The following DARS1 variants were observed in gnomAD, a reference collection of about 807,000 sequenced individuals.
DARS1 encodes the protein aspartate--tRNA ligase, cytoplasmic.
In DARS1, 51 loss-of-function variants were observed where a neutral mutation model predicts 68.8. That is an observed-to-expected ratio of 0.74 (90% CI 0.59 to 0.94). DARS1 has a LOEUF of 0.94. Ranked by LOEUF, DARS1 falls within the 40% of genes least tolerant of loss-of-function variation. DARS1 has a pLI of 0.00. For synonymous variants in DARS1, 203 were observed against 190.4 expected (o/e 1.07, Z -0.55); for missense variants, 607 against 597.3 (o/e 1.02, Z -0.17).
chr2:135,940,046 C>A (rs1681562504), intron 5 of DARS1, among the ~76,000 whole-genome samples: 1 of 152,120 alleles, frequency 6.6e-6, no homozygotes, highest in African/African-American at 2.4e-5. Context: ...AGTCCAGGAC[C>A]AGACGGATTC....
At chr2:135,942,500 G>A (rs1458297912) in intron 5 of DARS1, among the ~76,000 whole-genome samples, 3 of 110,594 alleles carry the variant, frequency 2.7e-5, no homozygotes, top group African/African-American at 3.5e-5. Flanking sequence ...ATCAGGGCCT[G>A]TAGTGGGGTG....
chr2:135,943,248 A>C lies in DARS1; in HGVS notation c.423+130T>G, dbSNP rs928143515. 23 of 1,292,856 alleles carry C rather than the reference A, an allele frequency of 1.8e-5. No individual in the cohort carries two copies. The African/African-American group carries it at 3.3e-4, about 19-fold the overall frequency. The allele number at this position is 1,292,856 out of a possible 1,614,324, so 80.1% of individuals were successfully genotyped here. On this transcript the variant is annotated intron_variant, in intron 5 of 15. Transcript: ENST00000264161. ...GTGATTTGTTATATAACAAAAGCTA[A>C]TTGATTCAGTAACTAATTTATAAAC...
chr2:135,952,758 T>C (rs922106373), intron 4 of DARS1, among the ~76,000 whole-genome samples: 32 of 152,246 alleles, frequency 2.1e-4, no homozygotes, highest in African/African-American at 7.5e-4. Context: ...TCCCACACTT[T>C]ATCCATTCAT....
chr2:135,963,474 C>G (rs1269967884), intron 3 of DARS1, among the ~76,000 whole-genome samples: 1 of 151,386 alleles, frequency 6.6e-6, no homozygotes, highest in East Asian at 1.9e-4. Flanking sequence ...CGGGTTCAAG[C>G]GATTCTCCTG....
chr2:135,907,432 A>T (rs769039312), intron 15 of DARS1, 25 bp from the exon 16 acceptor site: 3 of 1,533,048 alleles, frequency 2.0e-6, no homozygotes, highest in Non-Finnish European at 2.7e-6. Flanking sequence ...AATAATCATT[A>T]ATTCCTTTTT....
At chr2:135,966,968 A>T (rs1682250903) in intron 3 of DARS1, among the ~76,000 whole-genome samples, 1 of 152,174 alleles carries the variant, frequency 6.6e-6, no homozygotes, top group Non-Finnish European at 1.5e-5. Flanking sequence ...TTTATCGTGA[A>T]GTCTTTATTT....
intron 9 of DARS1, among the ~76,000 whole-genome samples, chr2:135,922,520 A>G (rs922317740): frequency 1.3e-5 from 2 of 152,212 alleles, no homozygotes; most frequent in African/African-American, 4.8e-5. Flanking sequence ...CTCTGTAAGA[A>G]TACATATGTT....
In DARS1 at chr2:135,943,131, T is replaced by C. The variant is rs1681643982; in HGVS notation, c.423+247A>G. 1.1e-5 allele frequency: 4 copies of C among 364,972 alleles called. No homozygotes were observed. In the South Asian group the frequency reaches 1.5e-4, roughly 13 times the overall value. The allele number at this position is 364,972 out of a possible 1,614,324, so 22.6% of individuals were successfully genotyped here. A position where few individuals can be genotyped will look rare whatever the true frequency, so the allele number is the denominator to read the frequency against. On this transcript the variant is annotated intron_variant, in intron 5 of 15. Coordinates refer to ENST00000264161, the MANE Select transcript of DARS1 (RefSeq NM_001349.4). ...CAGATTTATCAGTGAGCCCAGCCAA[T>C]GTTGCATGGAGCAGATGAGCCATCT...
chr2:135,913,225 C>CAA (rs1680933635), intron 12 of DARS1, among the ~76,000 whole-genome samples: 1 of 151,738 alleles, frequency 6.6e-6, no homozygotes, highest in Non-Finnish European at 1.5e-5. Flanking sequence ...GTTATAGAAA[C>CAA]TATATTAAGT....
chr2:135,913,056 T>A (rs959641524), intron 12 of DARS1, among the ~76,000 whole-genome samples: 2 of 151,980 alleles, frequency 1.3e-5, no homozygotes, highest in East Asian at 3.9e-4. Context: ...TTTTCCTTTT[T>A]TTTTTTTTGA....
intron 7 of DARS1, among the ~76,000 whole-genome samples, chr2:135,932,427 T>A (rs927066128): frequency 1.6e-4 from 24 of 152,310 alleles, no homozygotes; most frequent in Non-Finnish European, 3.5e-4. Flanking sequence ...TGATCTCAAA[T>A]GTGCATGTAA....
intron 1 of DARS1, 127 bp downstream of exon 1, chr2:135,985,276 C>T: frequency 1.4e-6 from 2 of 1,424,066 alleles, no homozygotes; most frequent in South Asian, 1.4e-5. Flanking sequence ...CGCCCGGACC[C>T]CACGCCCGCA....
In DARS1 at chr2:135,951,156, T is replaced by C. The variant is rs529268714; in HGVS notation, c.321-7676A>G. ...TAAACTCAAAAGCCTGGAACTTCTC[T>C]TCAATTAACTCGATATAGTTAAGCT... On this transcript the variant is annotated intron_variant, in intron 4 of 15. Transcript: ENST00000264161. Among the ~76,000 whole-genome samples the C allele has an allele frequency of 4.6e-5, 7 of 152,360 alleles. No individual in the cohort carries two copies. In the South Asian group the frequency reaches 1.4e-3, roughly 32 times the overall value.
chr2:135,928,671 CCT>C (rs1491280514), intron 7 of DARS1, among the ~76,000 whole-genome samples: 1 of 148,498 alleles, frequency 6.7e-6, no homozygotes, highest in Non-Finnish European at 1.5e-5. Flanking sequence ...ATTTCTTTTT[CCT>C]TTTTTTTTTT....
In DARS1 at chr2:135,907,238, C is replaced by CTTTGTTTTTTTTTTTT; in HGVS notation, c.*77_*78insAAAAAAAAAAAACAAA. The CTTTGTTTTTTTTTTTT allele has an allele frequency of 4.1e-6, 3 of 724,934 alleles. No individual in the cohort carries two copies. The highest frequency in any genetic ancestry group is 3.3e-5 in the East Asian group (1 of 30,210). 44.9% of individuals were successfully genotyped at this position (724,934 alleles called of 1,614,324 possible). On this transcript the variant is annotated 3_prime_UTR_variant, in exon 16 of 16. Coordinates refer to ENST00000264161, the MANE Select transcript of DARS1 (RefSeq NM_001349.4). ...AGGTTACTGAAAAGAATAAGTGTGG[C>CTTTGTTTTTTTTTTTT]TTTCTTTTTTTTTTTTTTTTTTTGA...
Position 135,961,440 on chromosome 2 carries a change from C to CG in DARS1, c.275dup (p.Val93GlyfsTer11). ...TCTGCTTGCTTGCATGGTCTCCCAC[C>CG]GCCACAAGAGCCTGGACATTAAACT... On this transcript the variant is annotated frameshift_variant, in exon 4 of 16. Transcript: ENST00000264161. LOFTEE classifies it high-confidence loss of function. 6.4e-7 allele frequency: 1 copy of CG among 1,556,004 alleles called. No individual in the cohort carries two copies. Among genetic ancestry groups the CG allele is most frequent in the Non-Finnish European group, 8.9e-7 (1 of 1,127,042 alleles).
chr2:135,957,119 C>T (rs1299196380), intron 4 of DARS1, among the ~76,000 whole-genome samples: 2 of 152,088 alleles, frequency 1.3e-5, no homozygotes, highest in Non-Finnish European at 2.9e-5. Flanking sequence ...AGCTGGACTG[C>T]GGTGGCACAA....
At chr2:135,982,893 G>A (rs1274396360) in intron 2 of DARS1, among the ~76,000 whole-genome samples, 1 of 152,120 alleles carries the variant, frequency 6.6e-6, no homozygotes, top group Non-Finnish European at 1.5e-5. Context: ...TTCAACTTTG[G>A]TTCCTTAGTT....
In DARS1 at chr2:135,985,454, G is replaced by A. The variant is rs780684514; in HGVS notation, c.15C>T (p.Ser5=). The part of the protein sequence containing the change: MPSA[S]ASRKSQEKPR... ...GCTTCTCCTGACTCTTGCGGCTGGC[G>A]CTGGCGCTGGGCATCGGGACACGGA... is the stretch of plus-strand genomic sequence containing the variant. Residue 5 remains serine, a synonymous_variant, in exon 1 of 16, where the codon AGC becomes AGT. Coordinates refer to ENST00000264161, the MANE Select transcript of DARS1 (RefSeq NM_001349.4). 1 of 1,613,898 alleles carries A rather than the reference G, an allele frequency of 6.2e-7. No individual in the cohort carries two copies. Among genetic ancestry groups the A allele is most frequent in the Non-Finnish European group, 8.5e-7 (1 of 1,179,976 alleles).
Sources: gnomAD v4.1 joint callset for allele counts (sites outside exome capture counted in the v4.1 genomes callset) on GRCh38, gnomAD v4.1.1 for gene constraint, MANE v1.5 for transcripts, NCBI Gene and HGNC (gene_info 2026-07-23, HGNC 2026-07-21) for gene names.